Variants in MYCT1 observed in about 807,000 individuals in gnomAD.
The protein encoded by MYCT1 is myc target protein 1.
In MYCT1, 12 loss-of-function variants were observed where a neutral mutation model predicts 15.0. The observed-to-expected ratio is 0.80, with a 90% confidence interval of 0.51 to 1.29. The LOEUF (loss-of-function observed/expected upper bound fraction) is 1.29. Ranked by LOEUF, MYCT1 falls within the 50% of genes most tolerant of loss-of-function variation. The probability of loss-of-function intolerance (pLI) is 0.00; values close to 1 mark genes in which losing one functional copy is unlikely to be tolerated. For missense variants in MYCT1, 287 were observed against 279.1 expected, an observed-to-expected ratio of 1.03 and a Z score of -0.20; for synonymous variants, 104 against 102.7, an observed-to-expected ratio of 1.01 and a Z score of -0.07.
chr6:152,704,660 T>C (rs1393909463), intron 1 of MYCT1, among the ~76,000 whole-genome samples: 1 of 152,152 alleles, frequency 6.6e-6, no homozygotes, highest in Non-Finnish European at 1.5e-5. Flanking sequence ...TAACTGTTTT[T>C]CTCTTTCAGG....
chr6:152,734,804 T>C, the MYCT1 span, among the ~76,000 whole-genome samples: 1 of 152,224 alleles, frequency 6.6e-6, no homozygotes, highest in African/African-American at 2.4e-5. Flanking sequence ...TTGTAGACTC[T>C]TGGTCTCATT....
chr6:152,733,512 G>A, the MYCT1 span, among the ~76,000 whole-genome samples: 1 of 152,186 alleles, frequency 6.6e-6, no homozygotes, highest in African/African-American at 2.4e-5. Context: ...TTTTTAACAA[G>A]TGCCTTGGAG....
At chr6:152,727,738 C>G (rs148326880), downstream of MYCT1, among the ~76,000 whole-genome samples, 267 of 152,272 alleles carry the variant, frequency 1.8e-3, 2 homozygotes, top group African/African-American at 6.1e-3. Context: ...AGTGACAAAT[C>G]CCTGCTCCCA....
downstream of MYCT1, among the ~76,000 whole-genome samples, chr6:152,725,728 G>T (rs2099725531): frequency 6.6e-6 from 1 of 152,228 alleles, no homozygotes; most frequent in South Asian, 2.1e-4. Flanking sequence ...TGTATCAGGA[G>T]TCTTGCACTA....
chr6:152,745,856 G>T, the MYCT1 span, among the ~76,000 whole-genome samples: 7 of 152,180 alleles, frequency 4.6e-5, no homozygotes, highest in Non-Finnish European at 1.0e-4. Context: ...ATCCAGGTTT[G>T]TCTCCCGTAC....
the MYCT1 span, among the ~76,000 whole-genome samples, chr6:152,742,123 C>A: frequency 6.6e-6 from 1 of 152,096 alleles, no homozygotes; most frequent in Non-Finnish European, 1.5e-5. Flanking sequence ...AAGTGTCTGG[C>A]GATGGAGGAA....
chr6:152,706,600 A>G (rs931784685), intron 1 of MYCT1, among the ~76,000 whole-genome samples: 3 of 152,136 alleles, frequency 2.0e-5, no homozygotes, highest in African/African-American at 7.2e-5. Flanking sequence ...AAAGTTAAAA[A>G]TACTACCTTT....
chr6:152,700,258 A>G (rs2099721094), intron 1 of MYCT1, among the ~76,000 whole-genome samples: 1 of 152,116 alleles, frequency 6.6e-6, no homozygotes, highest in Non-Finnish European at 1.5e-5. Context: ...AATCTTGTAC[A>G]ATGCAGTGTA....
At chr6:152,701,757 C>T (rs2099721366) in intron 1 of MYCT1, among the ~76,000 whole-genome samples, 1 of 152,188 alleles carries the variant, frequency 6.6e-6, no homozygotes, top group Non-Finnish European at 1.5e-5. Flanking sequence ...CTCACATGAT[C>T]TGTGTAATAT....
At chr6:152,702,394 T>A (rs1285284326) in intron 1 of MYCT1, among the ~76,000 whole-genome samples, 2 of 152,220 alleles carry the variant, frequency 1.3e-5, no homozygotes, top group South Asian at 2.1e-4. Context: ...TTATTCTATA[T>A]GTTTAAAAAA....
intron 1 of MYCT1, among the ~76,000 whole-genome samples, chr6:152,709,339 T>C (rs1263793965): frequency 2.3e-3 from 58 of 24,952 alleles, no homozygotes; most frequent in African/African-American, 6.1e-3. Context: ...TGTGTCTTTA[T>C]AGCAGCATGA....
At chr6:152,742,157 G>T in the MYCT1 span, among the ~76,000 whole-genome samples, 1 of 152,274 alleles carries the variant, frequency 6.6e-6, no homozygotes, top group South Asian at 2.1e-4. Context: ...TCACTGTAGT[G>T]ATCCAACATG....
At chr6:152,720,513 G>T (rs2099724512) in intron 1 of MYCT1, among the ~76,000 whole-genome samples, 1 of 152,154 alleles carries the variant, frequency 6.6e-6, no homozygotes, top group South Asian at 2.1e-4. Flanking sequence ...TAAGCAATTA[G>T]ATATGATAGC....
At chr6:152,735,054 A>G in the MYCT1 span, among the ~76,000 whole-genome samples, 3 of 152,244 alleles carry the variant, frequency 2.0e-5, no homozygotes. Context: ...GTTTCTAAAA[A>G]GGAAATTTAT....
At chr6:152,716,693 T>A (rs577822460) in intron 1 of MYCT1, among the ~76,000 whole-genome samples, 2 of 152,174 alleles carry the variant, frequency 1.3e-5, no homozygotes, top group South Asian at 4.1e-4. Context: ...AGAGCCAGTG[T>A]TCGTTGAGGG....
intron 1 of MYCT1, among the ~76,000 whole-genome samples, chr6:152,719,172 TAA>T (rs1409856172): frequency 1.1e-4 from 16 of 152,212 alleles, no homozygotes; most frequent in African/African-American, 3.4e-4. Context: ...TGTTGATATT[TAA>T]AAGTCTCCAC....
chr6:152,718,923 G>A (rs1034190730), intron 1 of MYCT1, among the ~76,000 whole-genome samples: 3 of 151,804 alleles, frequency 2.0e-5, no homozygotes, highest in Non-Finnish European at 4.4e-5. Context: ...ACATAGGAAG[G>A]ACATATACTT....
chr6:152,743,392 C>T, the MYCT1 span, among the ~76,000 whole-genome samples: 1 of 152,108 alleles, frequency 6.6e-6, no homozygotes. Context: ...TTGAGACACC[C>T]TAAAGGCACT....
chr6:152,745,803 T>C, the MYCT1 span, among the ~76,000 whole-genome samples: 3 of 152,202 alleles, frequency 2.0e-5, no homozygotes, highest in African/African-American at 7.2e-5. Context: ...CTTTGTTCCT[T>C]GGATGGTATT....
Sources: gnomAD v4.1 joint callset for allele counts (sites outside exome capture counted in the v4.1 genomes callset) on GRCh38, gnomAD v4.1.1 for gene constraint, MANE v1.5 for transcripts, NCBI Gene and HGNC (gene_info 2026-07-23, HGNC 2026-07-21) for gene names.